Variants in SLC9D1 observed in about 807,000 individuals in gnomAD.
The protein encoded by SLC9D1 is solute carrier family 9 member D1, also known as putative LAG1-interacting protein.
the SLC9D1 span, among the ~76,000 whole-genome samples, chr13:113,546,098 G>A: frequency 1.3e-5 from 2 of 152,106 alleles, no homozygotes; most frequent in Non-Finnish European, 2.9e-5. This position sits in a 1 kb window ranked among gnomAD's most constrained non-coding sequence, Gnocchi z 7.1. Context: ...AGGTGGGAGC[G>A]TCCCCTGTGC....
the SLC9D1 span, among the ~76,000 whole-genome samples, chr13:113,494,526 G>C: frequency 2.5e-3 from 378 of 152,236 alleles, 2 homozygotes; most frequent in African/African-American, 8.7e-3. Context: ...TCAGAAAGCA[G>C]GTTCCTGTCT....
the SLC9D1 span, among the ~76,000 whole-genome samples, chr13:113,507,711 G>A: frequency 6.6e-6 from 1 of 152,206 alleles, no homozygotes; most frequent in South Asian, 2.1e-4. Context: ...TGTTTCTCAA[G>A]TCATTGTGGT....
chr13:113,499,263 G>T, the SLC9D1 span, among the ~76,000 whole-genome samples: 1 of 152,164 alleles, frequency 6.6e-6, no homozygotes, highest in African/African-American at 2.4e-5. Flanking sequence ...GTGGGTTTTG[G>T]CTGGCTTCTC....
chr13:113,514,957 GTCC>G, the SLC9D1 span, among the ~76,000 whole-genome samples: 1 of 152,320 alleles, frequency 6.6e-6, no homozygotes, highest in East Asian at 1.9e-4. Context: ...GCCTCGAGCA[GTCC>G]TCCTGCCTCG....
chr13:113,492,618 C>G, the SLC9D1 span, among the ~76,000 whole-genome samples: 77 of 152,178 alleles, frequency 5.1e-4, no homozygotes, highest in Non-Finnish European at 9.6e-4. Flanking sequence ...TGCAGAAATT[C>G]TAAGAATTCA....
chr13:113,525,874 C>T, the SLC9D1 span, among the ~76,000 whole-genome samples: 6 of 145,528 alleles, frequency 4.1e-5, no homozygotes, highest in East Asian at 2.1e-4. Context: ...TCGTAGGAGA[C>T]GACAGCTCTG....
At chr13:113,492,893 C>T in the SLC9D1 span, among the ~76,000 whole-genome samples, 3 of 151,962 alleles carry the variant, frequency 2.0e-5, no homozygotes, top group Admixed American at 6.5e-5. Flanking sequence ...AGCAAAACTC[C>T]GTCTCAAACA....
the SLC9D1 span, chr13:113,499,898 TTC>T: frequency 2.4e-5 from 26 of 1,081,456 alleles, no homozygotes; most frequent in Non-Finnish European, 3.1e-5. Context: ...TTAGCGTTCA[TTC>T]TCCAAAAATT....
the SLC9D1 span, among the ~76,000 whole-genome samples, chr13:113,541,053 G>A: frequency 6.6e-6 from 1 of 152,110 alleles, no homozygotes; most frequent in African/African-American, 2.4e-5. Context: ...TAGGTCTTCT[G>A]CCTGTCCCGA....
At chr13:113,522,540 C>T in the SLC9D1 span, among the ~76,000 whole-genome samples, 1 of 152,320 alleles carries the variant, frequency 6.6e-6, no homozygotes, top group Admixed American at 6.5e-5. Flanking sequence ...CGGGGTTCCA[C>T]TGTGTTAGCC....
At chr13:113,543,966 G>A in the SLC9D1 span, among the ~76,000 whole-genome samples, 158 of 152,080 alleles carry the variant, frequency 1.0e-3, no homozygotes, top group African/African-American at 3.4e-3. Context: ...TCTCTAACTC[G>A]GCCAGGACCT....
At chr13:113,524,245 T>G in the SLC9D1 span, 1 of 447,710 alleles carries the variant, frequency 2.2e-6, no homozygotes, top group Non-Finnish European at 4.5e-6. Context: ...TCAATCAGCT[T>G]TTGCTCTATG....
the SLC9D1 span, chr13:113,503,587 A>G: frequency 6.2e-7 from 1 of 1,610,124 alleles, no homozygotes; most frequent in Non-Finnish European, 8.5e-7. Flanking sequence ...AAGCTAAGAA[A>G]GGTAAGGACC....
chr13:113,527,117 A>T, the SLC9D1 span: 1 of 152,294 alleles, frequency 6.6e-6, no homozygotes, highest in Admixed American at 6.5e-5. Context: ...GAAGTGGCAC[A>T]TGACTGTATA....
chr13:113,512,386 G>A, the SLC9D1 span, among the ~76,000 whole-genome samples: 2 of 151,554 alleles, frequency 1.3e-5, no homozygotes, highest in Admixed American at 6.6e-5. Flanking sequence ...GAGCCCCAGG[G>A]GCCGGAGTGT....
chr13:113,525,863 G>A, the SLC9D1 span, among the ~76,000 whole-genome samples: 14 of 129,654 alleles, frequency 1.1e-4, no homozygotes, highest in African/African-American at 1.5e-4. Context: ...AGCCATCGTC[G>A]TCGTAGGAGA....
the SLC9D1 span, chr13:113,539,223 C>A: frequency 2.5e-6 from 2 of 803,582 alleles, no homozygotes; most frequent in East Asian, 2.5e-5. This position sits in a 1 kb window ranked among gnomAD's most constrained non-coding sequence, Gnocchi z 4.8. Context: ...CAGGACCAGA[C>A]ACACACACGC....
At chr13:113,538,560 G>A in the SLC9D1 span, among the ~76,000 whole-genome samples, 48 of 152,362 alleles carry the variant, frequency 3.2e-4, no homozygotes, top group Non-Finnish European at 4.9e-4. Context: ...AGCCCTTGGC[G>A]CTGTCATCTG....
chr13:113,501,658 G>C, the SLC9D1 span: 34 of 940,312 alleles, frequency 3.6e-5, no homozygotes, highest in African/African-American at 3.0e-4. Flanking sequence ...AGGTGAAATC[G>C]GGGAACTACG....
Sources: allele counts gnomAD v4.1 joint callset (sites outside exome capture counted in the v4.1 genomes callset), GRCh38; gene constraint gnomAD v4.1.1; non-coding constraint Gnocchi (gnomAD v3.1); transcripts MANE v1.5; gene names NCBI Gene and HGNC (gene_info 2026-07-23, HGNC 2026-07-21).